The following RAB38 variants were observed in gnomAD, a reference collection of about 807,000 sequenced individuals.
RAB38 encodes the protein ras-related protein Rab-38.
A neutral mutation model predicts 18.4 loss-of-function variants in RAB38; 15 were observed. The observed-to-expected ratio is 0.82, with a 90% CI of 0.55 to 1.26. RAB38 has a LOEUF of 1.26. RAB38 is among the 50% of genes most tolerant of loss of function. The pLI is 0.00. For missense variants in RAB38, 294 were observed against 267.4 expected (o/e 1.10, Z -0.69); for synonymous variants, 101 against 104.4 (o/e 0.97, Z 0.20).
chr11:87,872,293 A>T, the RAB38 span, among the ~76,000 whole-genome samples: 1 of 151,508 alleles, frequency 6.6e-6, no homozygotes, highest in Non-Finnish European at 1.5e-5. Flanking sequence ...TTTCCTATAG[A>T]CTATATTTTT....
the RAB38 span, among the ~76,000 whole-genome samples, chr11:88,038,302 A>T: frequency 4.8e-3 from 734 of 152,248 alleles, 6 homozygotes; most frequent in African/African-American, 0.016. Context: ...ATTAATTACC[A>T]TTTCAGAACC....
At chr11:88,030,976 T>C in the RAB38 span, among the ~76,000 whole-genome samples, 1 of 151,160 alleles carries the variant, frequency 6.6e-6, no homozygotes, top group Non-Finnish European at 1.5e-5. Flanking sequence ...GCAAAAATCC[T>C]CAATAAAATA....
the RAB38 span, among the ~76,000 whole-genome samples, chr11:87,929,442 C>T: frequency 5.3e-5 from 8 of 151,534 alleles, no homozygotes; most frequent in African/African-American, 1.9e-4. Flanking sequence ...TGGATATACC[C>T]TAATTATTTA....
At chr11:88,091,857 C>A in the RAB38 span, among the ~76,000 whole-genome samples, 1 of 151,808 alleles carries the variant, frequency 6.6e-6, no homozygotes, top group Admixed American at 6.6e-5. Flanking sequence ...GTGCCCAGAG[C>A]CAATTTATGA....
chr11:87,931,156 G>T, the RAB38 span, among the ~76,000 whole-genome samples: 4 of 152,062 alleles, frequency 2.6e-5, no homozygotes, highest in Non-Finnish European at 4.4e-5. Flanking sequence ...ACCTTGGGCA[G>T]TATGGCCATT....
the RAB38 span, among the ~76,000 whole-genome samples, chr11:88,027,659 G>C: frequency 2.3e-5 from 3 of 131,480 alleles, no homozygotes; most frequent in Admixed American, 1.4e-4. Context: ...AGGCGGCAGC[G>C]AGGCTGGGGG....
chr11:88,164,259 T>A (rs7103344), intron 1 of RAB38, among the ~76,000 whole-genome samples: 2 of 103,234 alleles, frequency 1.9e-5, no homozygotes, highest in Non-Finnish European at 4.5e-5. Flanking sequence ...GTGCTCTCGG[T>A]GGGGGGGGGT....
chr11:87,818,907 C>A, the RAB38 span, among the ~76,000 whole-genome samples: 1 of 152,158 alleles, frequency 6.6e-6, no homozygotes, highest in Non-Finnish European at 1.5e-5. Flanking sequence ...ATTTACCATT[C>A]ATCCATTCAA....
the RAB38 span, among the ~76,000 whole-genome samples, chr11:88,052,930 A>C: frequency 5.9e-5 from 1 of 16,944 alleles, no homozygotes; most frequent in Non-Finnish European, 1.3e-4. Flanking sequence ...ATATATATAT[A>C]TATATATATA....
the RAB38 span, among the ~76,000 whole-genome samples, chr11:88,096,282 C>G: frequency 4.0e-5 from 6 of 151,880 alleles, no homozygotes; most frequent in African/African-American, 1.4e-4. Context: ...ATGTTCCTCC[C>G]TCAGGGCCTT....
At chr11:88,102,265 T>C in the RAB38 span, among the ~76,000 whole-genome samples, 1 of 151,970 alleles carries the variant, frequency 6.6e-6, no homozygotes, top group South Asian at 2.1e-4. Context: ...TTTTCCTCTA[T>C]CCTAAAATAT....
intron 2 of RAB38, among the ~76,000 whole-genome samples, chr11:88,135,164 C>T (rs1366026803): frequency 2.0e-5 from 3 of 152,148 alleles, no homozygotes; most frequent in Admixed American, 2.0e-4. Context: ...TCTAAAACTG[C>T]TTACTTCTCT....
At chr11:87,806,187 G>T in the RAB38 span, among the ~76,000 whole-genome samples, 3 of 152,116 alleles carry the variant, frequency 2.0e-5, no homozygotes, top group Admixed American at 1.3e-4. Context: ...AAAAGATAGA[G>T]ACTTCATGAT....
At chr11:87,856,293 T>C in the RAB38 span, among the ~76,000 whole-genome samples, 1 of 152,110 alleles carries the variant, frequency 6.6e-6, no homozygotes, top group Non-Finnish European at 1.5e-5. Context: ...TCATATACTC[T>C]CTTCATACAC....
intron 1 of RAB38, among the ~76,000 whole-genome samples, chr11:88,174,620 CAAAA>C (rs60026669): frequency 0.16 from 16,008 of 101,582 alleles, 835 homozygotes; most frequent in Middle Eastern, 0.23. Context: ...AAGCAAAAAG[CAAAA>C]AAAAAAAAAA....
chr11:88,141,806 A>G (rs1256453186), intron 2 of RAB38, among the ~76,000 whole-genome samples: 1 of 152,126 alleles, frequency 6.6e-6, no homozygotes, highest in Non-Finnish European at 1.5e-5. Flanking sequence ...CTCTGCCTAG[A>G]ATACCTTTCT....
the RAB38 span, among the ~76,000 whole-genome samples, chr11:87,836,032 A>G: frequency 2.6e-5 from 4 of 152,186 alleles, no homozygotes; most frequent in Non-Finnish European, 5.9e-5. Flanking sequence ...GTCTCAAAAT[A>G]TCTACATAAT....
At chr11:87,948,719 C>G in the RAB38 span, among the ~76,000 whole-genome samples, 1 of 145,680 alleles carries the variant, frequency 6.9e-6, no homozygotes, top group East Asian at 2.0e-4. Context: ...ATTGAACCAG[C>G]CTTGCATCCC....
At chr11:87,917,972 CTT>C in the RAB38 span, 1 of 151,942 alleles carries the variant, frequency 6.6e-6, no homozygotes, top group Non-Finnish European at 1.5e-5. Flanking sequence ...GACACAGAGA[CTT>C]TAAGTTCTAG....
Sources: allele counts gnomAD v4.1 joint callset (sites outside exome capture counted in the v4.1 genomes callset), GRCh38; gene constraint gnomAD v4.1.1; transcripts MANE v1.5; gene names NCBI Gene and HGNC (gene_info 2026-07-23, HGNC 2026-07-21).